The following AK4 variants were observed in gnomAD, a reference collection of about 807,000 sequenced individuals.
The protein encoded by AK4 is adenylate kinase 4, mitochondrial.
In AK4, 13 loss-of-function variants were observed where a neutral mutation model predicts 24.6. The observed-to-expected ratio is 0.53, with a 90% CI of 0.34 to 0.84. The LOEUF (loss-of-function observed/expected upper bound fraction) is 0.84, where lower values mean the gene tolerates loss of function less well. AK4 is among the 40% of genes least tolerant of loss of function. AK4 has a pLI of 0.01. For synonymous variants in AK4, 88 were observed against 107.0 expected (o/e 0.82, Z 1.10); for missense variants, 192 against 288.2 (o/e 0.67, Z 2.42).
chr1:65,175,722 A>G (rs1054838685), intron 1 of AK4, among the ~76,000 whole-genome samples: 5 of 152,178 alleles, frequency 3.3e-5, no homozygotes, highest in African/African-American at 9.7e-5. Flanking sequence ...AGTGCCTGCT[A>G]TGGTGGATAC....
chr1:65,214,726 T>C (rs1488402592), intron 2 of AK4, among the ~76,000 whole-genome samples: 2 of 152,214 alleles, frequency 1.3e-5, no homozygotes, highest in Non-Finnish European at 2.9e-5. Context: ...CTTACTAATA[T>C]ACCATGCTTG....
chr1:65,216,953 G>A (rs375379985), intron 2 of AK4, among the ~76,000 whole-genome samples: 51 of 152,234 alleles, frequency 3.4e-4, no homozygotes, highest in African/African-American at 9.4e-4. Flanking sequence ...CCACTGCCTC[G>A]GCCTCCTAAA....
chr1:65,229,917 C>T lies in AK4; in HGVS notation c.*3740C>T. ...CCCTTACTCCCACTCCAAACAAGGC[C>T]TTGATGATAAACTAATCCTTCCTAA... On this transcript the variant is annotated 3_prime_UTR_variant, in exon 5 of 5. Coordinates refer to ENST00000327299, the MANE Select transcript of AK4 (RefSeq NM_013410.4). 1 of 152,294 alleles carries T rather than the reference C, an allele frequency of 6.6e-6. No homozygotes were observed. The highest frequency in any genetic ancestry group is 1.9e-4 in the East Asian group (1 of 5,194). 9.4% of individuals were successfully genotyped at this position (152,294 alleles called of 1,614,324 possible).
At chr1:65,181,140 T>TA (rs1213900970) in intron 1 of AK4, among the ~76,000 whole-genome samples, 1 of 150,118 alleles carries the variant, frequency 6.7e-6, no homozygotes, top group African/African-American at 2.5e-5. Context: ...AAAAAGAGGA[T>TA]ACAGATGTGT....
chr1:65,199,646 T>A (rs1161971335), intron 2 of AK4, among the ~76,000 whole-genome samples: 2 of 152,218 alleles, frequency 1.3e-5, no homozygotes, highest in Non-Finnish European at 1.5e-5. Context: ...TAAAGTAGGT[T>A]TGACAATTTT....
intron 1 of AK4, among the ~76,000 whole-genome samples, chr1:65,155,574 A>T (rs1017305796): frequency 6.6e-6 from 1 of 152,236 alleles, no homozygotes; most frequent in African/African-American, 2.4e-5. Context: ...TGTATAAGTT[A>T]GCAAAAGTTT....
chr1:65,180,858 G>A (rs560680267), intron 1 of AK4, among the ~76,000 whole-genome samples: 10 of 152,124 alleles, frequency 6.6e-5, no homozygotes, highest in Non-Finnish European at 1.5e-4. Flanking sequence ...ATGTTTTGGC[G>A]AAGGGATGAT....
At position 65,215,164 on chromosome 1, in the gene AK4, C is replaced by CT. The variant is rs149142483; in HGVS notation, c.266-3587dup. On this transcript the variant is annotated intron_variant, in intron 2 of 4. Transcript: ENST00000327299. Reference sequence around the variant, plus strand: ...GATTTTTTTTCTTTTCTTTTCTTTTCTTTCTTTCTTTCTTTTTTTTTTGTT... The same window carrying CT: ...GATTTTTTTTCTTTTCTTTTCTTTTCTTTTCTTTCTTTCTTTTTTTTTTGTT... Among the ~76,000 whole-genome samples, 563 of 115,402 alleles carry CT rather than the reference C, an allele frequency of 4.9e-3. 1 individual carries two copies. The highest frequency in any genetic ancestry group is 0.016 in the Middle Eastern group (4 of 248). The allele number at this position is 115,402 out of a possible 152,430, so 75.7% of individuals were successfully genotyped here.
chr1:65,207,443 TG>T (rs1444299405), intron 2 of AK4, among the ~76,000 whole-genome samples: 7 of 152,120 alleles, frequency 4.6e-5, no homozygotes, highest in African/African-American at 7.2e-5. Context: ...GAAGCTGCCA[TG>T]AGCAGGAAGT....
At chr1:65,185,860 C>T (rs1651080993) in intron 1 of AK4, among the ~76,000 whole-genome samples, 1 of 152,058 alleles carries the variant, frequency 6.6e-6, no homozygotes, top group Non-Finnish European at 1.5e-5. Flanking sequence ...GGTGATCTGC[C>T]CACCTTGGCC....
intron 1 of AK4, among the ~76,000 whole-genome samples, chr1:65,151,783 C>G (rs768364546): frequency 6.6e-6 from 1 of 152,154 alleles, no homozygotes; most frequent in Non-Finnish European, 1.5e-5. Flanking sequence ...TAATATGGAT[C>G]TGAGATTAGC....
chr1:65,182,046 G>A (rs934726444), intron 1 of AK4, among the ~76,000 whole-genome samples: 3 of 152,134 alleles, frequency 2.0e-5, no homozygotes, highest in African/African-American at 4.8e-5. Context: ...CTCCAGAGTC[G>A]CTGGGACTAC....
At chr1:65,155,043 G>T (rs1471190648) in intron 1 of AK4, among the ~76,000 whole-genome samples, 1 of 151,604 alleles carries the variant, frequency 6.6e-6, no homozygotes, top group Non-Finnish European at 1.5e-5. Context: ...TAGAGACGGG[G>T]TTTCACCATG....
chr1:65,164,800 G>A (rs1650278417), intron 1 of AK4, among the ~76,000 whole-genome samples: 1 of 152,110 alleles, frequency 6.6e-6, no homozygotes, highest in South Asian at 2.1e-4. Context: ...TGGTGTCATA[G>A]CTAAAACACC....
chr1:65,211,894 G>T (rs1651982156), intron 2 of AK4, among the ~76,000 whole-genome samples: 1 of 152,206 alleles, frequency 6.6e-6, no homozygotes, highest in South Asian at 2.1e-4. Flanking sequence ...AGGAGTGTTG[G>T]CGTGTGGTAG....
intron 2 of AK4, among the ~76,000 whole-genome samples, chr1:65,213,282 T>C (rs574644324): frequency 2.2e-4 from 33 of 152,104 alleles, no homozygotes; most frequent in Admixed American, 2.0e-3. Flanking sequence ...ATCAGGAAAG[T>C]AGATTAAGGA....
chr1:65,199,652 A>T (rs1004952594), intron 2 of AK4, among the ~76,000 whole-genome samples: 30 of 152,212 alleles, frequency 2.0e-4, no homozygotes, highest in African/African-American at 7.2e-4. Context: ...AGGTTTGACA[A>T]TTTTTATCAT....
chr1:65,215,513 C>T (rs191552534), intron 2 of AK4, among the ~76,000 whole-genome samples: 3 of 152,248 alleles, frequency 2.0e-5, no homozygotes, highest in Admixed American at 2.0e-4. Flanking sequence ...TTTTGATGTG[C>T]TCATCAAATG....
chr1:65,152,185 AT>A (rs1216238169), intron 1 of AK4, among the ~76,000 whole-genome samples: 1 of 151,590 alleles, frequency 6.6e-6, no homozygotes, highest in African/African-American at 2.4e-5. Context: ...AAATAGTGGT[AT>A]TTTTTAAAAC....
Sources: gnomAD v4.1 joint callset for allele counts (sites outside exome capture counted in the v4.1 genomes callset) on GRCh38, gnomAD v4.1.1 for gene constraint, MANE v1.5 for transcripts, NCBI Gene and HGNC (gene_info 2026-07-23, HGNC 2026-07-21) for gene names.